Variants in CSMD1 observed in about 807,000 individuals in gnomAD.
The protein encoded by CSMD1 is CUB and Sushi multiple domains 1, also known as CUB and sushi domain-containing protein 1.
In CSMD1, 213 loss-of-function variants were observed where a neutral mutation model predicts 417.5. The observed-to-expected ratio is 0.51, with a 90% CI of 0.46 to 0.57. The LOEUF (loss-of-function observed/expected upper bound fraction) is 0.57. Ranked by LOEUF, CSMD1 falls within the 20% of genes least tolerant of loss-of-function variation. CSMD1 has a pLI of 0.00. For missense variants in CSMD1, 6,923 were observed against 4,529.7 expected (o/e 1.53, Z -15.17); for synonymous variants, 2,862 against 1,736.8 (o/e 1.65, Z -16.11).
At chr8:3,680,152 A>G (rs1046491471) in intron 7 of CSMD1, among the ~76,000 whole-genome samples, 2 of 152,156 alleles carry the variant, frequency 1.3e-5, no homozygotes, top group African/African-American at 4.8e-5. Flanking sequence ...AAACACATTC[A>G]AAAACTAGCA....
At chr8:4,599,331 T>C (rs1263125092) in intron 2 of CSMD1, among the ~76,000 whole-genome samples, 1 of 152,062 alleles carries the variant, frequency 6.6e-6, no homozygotes, top group African/African-American at 2.4e-5. Context: ...CTAGACAGAC[T>C]TAACCCCAGA....
chr8:4,142,480 C>T (rs1585407653), intron 3 of CSMD1, among the ~76,000 whole-genome samples: 2 of 151,342 alleles, frequency 1.3e-5, no homozygotes, highest in African/African-American at 2.5e-5. Flanking sequence ...TTGTTATTTG[C>T]TAAATTCACA....
At chr8:4,465,246 T>C (rs546843005) in intron 2 of CSMD1, among the ~76,000 whole-genome samples, 2 of 152,240 alleles carry the variant, frequency 1.3e-5, no homozygotes, top group Non-Finnish European at 2.9e-5. Flanking sequence ...TGAGTATGTG[T>C]CTCTTTCATC....
chr8:3,305,767 C>T (rs1017061673), intron 25 of CSMD1, among the ~76,000 whole-genome samples: 2 of 152,346 alleles, frequency 1.3e-5, no homozygotes, highest in South Asian at 2.1e-4. Flanking sequence ...GCAGGCTCCA[C>T]CTCCTGGGTT....
intron 7 of CSMD1, among the ~76,000 whole-genome samples, chr8:3,684,465 A>C (rs778762003): frequency 6.6e-6 from 1 of 150,762 alleles, no homozygotes; most frequent in Admixed American, 6.6e-5. Flanking sequence ...ATTTAGATAT[A>C]GGTTTTGGGA....
chr8:3,968,937 C>A (rs2954644), intron 5 of CSMD1, among the ~76,000 whole-genome samples: 3,908 of 152,232 alleles, frequency 0.026, 57 homozygotes, highest in Non-Finnish European at 0.04. Flanking sequence ...GGCATTGAAA[C>A]CGACTACTCT....
At chr8:4,834,709 C>A (rs1585182323) in intron 1 of CSMD1, among the ~76,000 whole-genome samples, 2 of 151,966 alleles carry the variant, frequency 1.3e-5, no homozygotes, top group South Asian at 4.2e-4. Flanking sequence ...GTAATCCCAG[C>A]ACTTTGGGAG....
At chr8:4,383,687 C>G (rs1803253431) in intron 3 of CSMD1, among the ~76,000 whole-genome samples, 1 of 152,100 alleles carries the variant, frequency 6.6e-6, no homozygotes. Flanking sequence ...CAAAATATTA[C>G]AGTGTGGGAA....
At chr8:4,654,407 G>A (rs948198293) in intron 1 of CSMD1, among the ~76,000 whole-genome samples, 8 of 152,214 alleles carry the variant, frequency 5.3e-5, no homozygotes, top group South Asian at 2.1e-4. Context: ...TTCTGGGGAA[G>A]TAGAGCAAAT....
chr8:4,116,282 C>T (rs1054850839), intron 3 of CSMD1, among the ~76,000 whole-genome samples: 1 of 152,108 alleles, frequency 6.6e-6, no homozygotes, highest in Non-Finnish European at 1.5e-5. Flanking sequence ...GTGTGAGCCA[C>T]CGCACCCAAC....
intron 1 of CSMD1, among the ~76,000 whole-genome samples, chr8:4,888,804 A>T (rs1288088631): frequency 6.6e-6 from 1 of 152,126 alleles, no homozygotes; most frequent in African/African-American, 2.4e-5. Flanking sequence ...AAAAGGTCAC[A>T]AAGGCCAACT....
chr8:4,134,018 T>C (rs1355429877), intron 3 of CSMD1, among the ~76,000 whole-genome samples: 3 of 152,256 alleles, frequency 2.0e-5, no homozygotes, highest in Non-Finnish European at 4.4e-5. Flanking sequence ...TACTTCAGTA[T>C]ACATTTTTTT....
chr8:4,042,221 TCA>T, intron 3 of CSMD1, among the ~76,000 whole-genome samples: 1 of 152,226 alleles, frequency 6.6e-6, no homozygotes, highest in South Asian at 2.1e-4. Context: ...GAGCACCATA[TCA>T]CACATGTCAA....
chr8:3,678,682 G>A (rs978619683), intron 7 of CSMD1, among the ~76,000 whole-genome samples: 4 of 152,114 alleles, frequency 2.6e-5, no homozygotes, highest in Non-Finnish European at 4.4e-5. Context: ...AGGAAACACA[G>A]AGGACGCCAC....
intron 5 of CSMD1, among the ~76,000 whole-genome samples, chr8:3,935,457 T>C (rs1458190777): frequency 6.6e-6 from 1 of 152,194 alleles, no homozygotes; most frequent in Admixed American, 6.5e-5. Flanking sequence ...AACCCGACAT[T>C]AAACAGGTCT....
At chr8:3,841,757 A>T (rs1803150952) in intron 5 of CSMD1, among the ~76,000 whole-genome samples, 1 of 152,140 alleles carries the variant, frequency 6.6e-6, no homozygotes, top group African/African-American at 2.4e-5. Flanking sequence ...GAGCTACATT[A>T]ATAACATCCA....
intron 1 of CSMD1, among the ~76,000 whole-genome samples, chr8:4,761,882 TCTATCTACCTAC>T (rs1489645981): frequency 1.0e-5 from 1 of 97,280 alleles, no homozygotes; most frequent in South Asian, 3.3e-4. Flanking sequence ...TATCTATCTA[TCTATCTACCTAC>T]CTATCTATCT....
At chr8:4,202,742 T>C (rs1463663135) in intron 3 of CSMD1, among the ~76,000 whole-genome samples, 1 of 152,096 alleles carries the variant, frequency 6.6e-6, no homozygotes, top group African/African-American at 2.4e-5. Flanking sequence ...AATAACTAAG[T>C]GTTACAAAGG....
At chr8:4,064,100 T>A (rs2130750808) in intron 3 of CSMD1, among the ~76,000 whole-genome samples, 1 of 152,302 alleles carries the variant, frequency 6.6e-6, no homozygotes, top group South Asian at 2.1e-4. Flanking sequence ...GAATCTACTC[T>A]CCTGCAGCAA....
Sources: allele counts gnomAD v4.1 joint callset (sites outside exome capture counted in the v4.1 genomes callset), GRCh38; gene constraint gnomAD v4.1.1; transcripts MANE v1.5; gene names NCBI Gene and HGNC (gene_info 2026-07-23, HGNC 2026-07-21).